The following NALF1 variants were observed in gnomAD, a reference collection of about 807,000 sequenced individuals.
NALF1 encodes family with sequence similarity 155 member A.
Under a neutral mutation model 48.4 loss-of-function variants are expected in NALF1, and 3 were observed. The ratio of observed to expected loss-of-function variants is 0.06; its 90% CI spans 0.03 to 0.16. The LOEUF is 0.16. Among genes scored for constraint, NALF1 ranks in the 10% least tolerant of loss-of-function variants. The pLI is 1.00. For synonymous variants in NALF1, 262 were observed against 245.7 expected (o/e 1.07, Z -0.62); for missense variants, 526 against 571.5 (o/e 0.92, Z 0.81).
chr13:107,509,232 G>A (rs1002275701), intron 1 of NALF1, among the ~76,000 whole-genome samples: 3 of 151,884 alleles, frequency 2.0e-5, no homozygotes, highest in Admixed American at 1.3e-4. Flanking sequence ...ATATACAAAC[G>A]CATACATATG....
At chr13:107,554,542 C>T (rs1250596441) in intron 1 of NALF1, among the ~76,000 whole-genome samples, 1 of 152,172 alleles carries the variant, frequency 6.6e-6, no homozygotes, top group Non-Finnish European at 1.5e-5. Flanking sequence ...CCCAGGGAGC[C>T]TTCCCCTTAT....
chr13:107,622,224 T>C (rs1033034577), intron 1 of NALF1, among the ~76,000 whole-genome samples: 5 of 148,872 alleles, frequency 3.4e-5, no homozygotes, highest in Admixed American at 1.3e-4. Flanking sequence ...AGGTCAGGAG[T>C]TCAAGACCAG....
intron 1 of NALF1, among the ~76,000 whole-genome samples, chr13:107,467,987 G>A (rs1885035100): frequency 6.6e-6 from 1 of 150,942 alleles, no homozygotes; most frequent in Admixed American, 6.6e-5. Context: ...GGCGGAGCTT[G>A]CAGTGAACTG....
At chr13:107,485,438 T>C (rs903645973) in intron 1 of NALF1, among the ~76,000 whole-genome samples, 1 of 152,160 alleles carries the variant, frequency 6.6e-6, no homozygotes, top group East Asian at 1.9e-4. Flanking sequence ...CTAAGCAGTT[T>C]TGCAGGCCAC....
chr13:107,842,044 T>C (rs1046744274), intron 1 of NALF1, among the ~76,000 whole-genome samples: 23 of 152,222 alleles, frequency 1.5e-4, no homozygotes, highest in African/African-American at 4.8e-4. Flanking sequence ...TATTCATTTA[T>C]ACATAATAAA....
chr13:107,380,371 G>C (rs148468053), intron 1 of NALF1, among the ~76,000 whole-genome samples: 1 of 152,136 alleles, frequency 6.6e-6, no homozygotes, highest in African/African-American at 2.4e-5. Flanking sequence ...TATACAAATT[G>C]TCTTGAGAAA....
At chr13:107,474,959 C>T (rs1342409671) in intron 1 of NALF1, among the ~76,000 whole-genome samples, 2 of 152,254 alleles carry the variant, frequency 1.3e-5, no homozygotes, top group Non-Finnish European at 1.5e-5. Context: ...TTTAATGAGG[C>T]TGTCACATTT....
At chr13:107,742,098 A>C (rs76736453) in intron 1 of NALF1, among the ~76,000 whole-genome samples, 1 of 152,158 alleles carries the variant, frequency 6.6e-6, no homozygotes, top group African/African-American at 2.4e-5. Flanking sequence ...CGAGAAGTGG[A>C]TGGGAAGTCA....
intron 1 of NALF1, among the ~76,000 whole-genome samples, chr13:107,423,949 T>C (rs1884235814): frequency 6.6e-6 from 1 of 152,148 alleles, no homozygotes; most frequent in African/African-American, 2.4e-5. Flanking sequence ...GATTGTATTA[T>C]GTGCTTGGGA....
At chr13:107,384,962 T>C (rs114564549) in intron 1 of NALF1, among the ~76,000 whole-genome samples, 1,934 of 152,300 alleles carry the variant, frequency 0.013, 36 homozygotes, top group African/African-American at 0.044. Context: ...GCAAGCACAT[T>C]ATTCCCTGTA....
intron 1 of NALF1, among the ~76,000 whole-genome samples, chr13:107,498,443 T>C (rs1170858953): frequency 6.6e-6 from 1 of 152,184 alleles, no homozygotes; most frequent in Non-Finnish European, 1.5e-5. Context: ...AAAATGGCTT[T>C]GGATTCCTAA....
At chr13:107,701,319 C>G (rs76389258) in intron 1 of NALF1, among the ~76,000 whole-genome samples, 168 of 152,218 alleles carry the variant, frequency 1.1e-3, no homozygotes, top group African/African-American at 3.9e-3. Flanking sequence ...AAAAGGAGAT[C>G]CTGCCATTTG....
chr13:107,780,342 C>T (rs1314010985), intron 1 of NALF1, among the ~76,000 whole-genome samples: 1 of 152,040 alleles, frequency 6.6e-6, no homozygotes, highest in East Asian at 1.9e-4. Context: ...TTGCGTTCAA[C>T]ACTGACATTG....
chr13:107,863,846 G>C (rs892354371), intron 1 of NALF1, among the ~76,000 whole-genome samples: 1 of 152,072 alleles, frequency 6.6e-6, no homozygotes, highest in Admixed American at 6.6e-5. Context: ...AGATGTATTT[G>C]GCATGCTCAT....
chr13:107,498,679 A>G (rs1875416412), intron 1 of NALF1, among the ~76,000 whole-genome samples: 3 of 152,324 alleles, frequency 2.0e-5, no homozygotes, highest in Admixed American at 6.5e-5. Context: ...GAAGGGAAGG[A>G]AAATGAAAGA....
intron 1 of NALF1, among the ~76,000 whole-genome samples, chr13:107,571,643 G>A (rs1412162226): frequency 6.6e-6 from 1 of 152,158 alleles, no homozygotes; most frequent in African/African-American, 2.4e-5. Context: ...AACTGAAGAA[G>A]GGGTTCATGC....
At chr13:107,637,443 T>C (rs1880009701) in intron 1 of NALF1, among the ~76,000 whole-genome samples, 4 of 152,086 alleles carry the variant, frequency 2.6e-5, no homozygotes, top group Admixed American at 2.6e-4. Context: ...AGAAAAGCCT[T>C]CTCTGTGTTA....
intron 1 of NALF1, among the ~76,000 whole-genome samples, chr13:107,488,628 A>G (rs1237580034): frequency 1.3e-5 from 2 of 152,172 alleles, no homozygotes; most frequent in African/African-American, 4.8e-5. Context: ...ATACTTTAAA[A>G]TAATAAGAGC....
chr13:107,414,834 T>C (rs938807212), intron 1 of NALF1, among the ~76,000 whole-genome samples: 1 of 151,956 alleles, frequency 6.6e-6, no homozygotes, highest in Non-Finnish European at 1.5e-5. Flanking sequence ...TGTGTGTGTA[T>C]GTGTTTAATC....
Sources: allele counts gnomAD v4.1 joint callset (sites outside exome capture counted in the v4.1 genomes callset), GRCh38; gene constraint gnomAD v4.1.1; transcripts MANE v1.5; gene names NCBI Gene and HGNC (gene_info 2026-07-23, HGNC 2026-07-21).